NAALADL2: variants seen among roughly 807,000 people sequenced by gnomAD.
NAALADL2 encodes the protein inactive N-acetylated-alpha-linked acidic dipeptidase-like protein 2.
A neutral mutation model predicts 87.2 loss-of-function variants in NAALADL2; 76 were observed. The observed-to-expected ratio is 0.87, with a 90% CI of 0.72 to 1.05. The LOEUF is 1.05. Among genes scored for constraint, NAALADL2 ranks in the 50% least tolerant of loss-of-function variants. The pLI is 0.00. For synonymous variants in NAALADL2, 354 were observed against 331.0 expected, an observed-to-expected ratio of 1.07 and a Z score of -0.75; for missense variants, 1,089 against 945.8, an observed-to-expected ratio of 1.15 and a Z score of -1.99.
intron 4 of NAALADL2, among the ~76,000 whole-genome samples, chr3:175,309,919 T>C (rs1758160432): frequency 6.6e-6 from 1 of 152,192 alleles, no homozygotes; most frequent in Non-Finnish European, 1.5e-5. Context: ...CCAGCATGTC[T>C]CTCTTAATTG....
chr3:175,714,213 T>C (rs989173642), intron 11 of NAALADL2, among the ~76,000 whole-genome samples: 8 of 152,136 alleles, frequency 5.3e-5, no homozygotes, highest in Non-Finnish European at 1.2e-4. Context: ...GTCTTTATAG[T>C]AGAATGATTT....
rs1732672719 is a variant in NAALADL2 at position 174,731,190 on chromosome 3, C to T, written c.-114-6451C>T. On this transcript the variant is annotated intron_variant, in intron 2 of 3. Transcript: ENST00000434257. ...AACAAATGCTTGATTATCAGAGTCCCATACTGAGCTGCAATGCTGCCTCTC... is the reference window on the plus strand; with the variant it reads ...AACAAATGCTTGATTATCAGAGTCCTATACTGAGCTGCAATGCTGCCTCTC... Among the ~76,000 whole-genome samples, 4 of 152,186 alleles carry T rather than the reference C, an allele frequency of 2.6e-5. No homozygotes were observed. In the South Asian group the frequency reaches 8.3e-4, roughly 32 times the overall value.
intron 3 of NAALADL2, among the ~76,000 whole-genome samples, chr3:174,814,913 G>C (rs995343433): frequency 6.6e-6 from 1 of 152,164 alleles, no homozygotes; most frequent in Non-Finnish European, 1.5e-5. Context: ...TTTTTATGCT[G>C]TAGGTAAATG....
intron 3 of NAALADL2, among the ~76,000 whole-genome samples, chr3:174,816,652 C>A (rs893009468): frequency 6.6e-6 from 1 of 151,888 alleles, no homozygotes; most frequent in Admixed American, 6.6e-5. Context: ...CCCCAGGTCA[C>A]TGCCATGGTA....
intron 5 of NAALADL2, among the ~76,000 whole-genome samples, chr3:175,391,930 T>A (rs1441114370): frequency 6.6e-6 from 1 of 152,182 alleles, no homozygotes; most frequent in African/African-American, 2.4e-5. Context: ...GTGTCAAGCA[T>A]TGTTCTAAGT....
intron 4 of NAALADL2, among the ~76,000 whole-genome samples, chr3:175,285,270 A>C (rs1040785940): frequency 6.6e-6 from 1 of 152,196 alleles, no homozygotes; most frequent in Non-Finnish European, 1.5e-5. Context: ...TTTTTTAAAA[A>C]GGTATGGCAC....
chr3:175,320,848 T>C (rs1002577649), intron 4 of NAALADL2, among the ~76,000 whole-genome samples: 7 of 149,264 alleles, frequency 4.7e-5, no homozygotes, highest in Non-Finnish European at 7.4e-5. Context: ...TAATCAATAG[T>C]TTACCAACCA....
intron 1 of NAALADL2, chr3:175,059,618 G>A: frequency 2.8e-6 from 1 of 352,232 alleles, no homozygotes; most frequent in Non-Finnish European, 5.4e-6. Flanking sequence ...ATGGAAAATG[G>A]CAACAAGTGC....
chr3:174,543,274 G>A (rs1439046435), intron 1 of NAALADL2, among the ~76,000 whole-genome samples: 1 of 152,156 alleles, frequency 6.6e-6, no homozygotes, highest in Non-Finnish European at 1.5e-5. Context: ...GGCTAGGGGA[G>A]AGTTGTGGGT....
chr3:174,622,780 C>T (rs530230925), intron 2 of NAALADL2, among the ~76,000 whole-genome samples: 1 of 152,298 alleles, frequency 6.6e-6, no homozygotes, highest in East Asian at 1.9e-4. Context: ...GTGGCTCACG[C>T]CTGTAATCCC....
In NAALADL2 at chr3:174,829,369, G is replaced by A. The variant is rs867058868; in HGVS notation, c.-9+91623G>A. ...CTATGAGTGAGAATATGCGGTGTTT[G>A]TTTTTTTGTTCTTGCGATAGTTTAC... On this transcript the variant is annotated intron_variant, in intron 3 of 3. Transcript: ENST00000434257. Among the ~76,000 whole-genome samples, 6 of 149,588 alleles carry A rather than the reference G, an allele frequency of 4.0e-5. 1 individual carries two copies. In the South Asian group the frequency reaches 1.1e-3, roughly 27 times the overall value.
At chr3:175,610,635 A>G (rs550678155) in intron 10 of NAALADL2, among the ~76,000 whole-genome samples, 3 of 152,120 alleles carry the variant, frequency 2.0e-5, no homozygotes, top group Non-Finnish European at 4.4e-5. Flanking sequence ...CCATAAAGCC[A>G]TCTTACCATC....
intron 12 of NAALADL2, among the ~76,000 whole-genome samples, chr3:175,752,543 A>G (rs1746740865): frequency 2.0e-5 from 3 of 152,146 alleles, no homozygotes; most frequent in South Asian, 4.1e-4. Context: ...CATCATTTAT[A>G]TATCAAAATG....
At chr3:175,564,903 G>A (rs2149524481) in intron 9 of NAALADL2, among the ~76,000 whole-genome samples, 1 of 152,334 alleles carries the variant, frequency 6.6e-6, no homozygotes, top group Non-Finnish European at 1.5e-5. Context: ...TGCAATTTGT[G>A]AAGAAGTAGG....
chr3:175,680,432 C>A (rs995766740), intron 11 of NAALADL2, among the ~76,000 whole-genome samples: 21 of 152,138 alleles, frequency 1.4e-4, no homozygotes, highest in African/African-American at 5.1e-4. Flanking sequence ...GGTATATACA[C>A]ATTGAAAGTC....
intron 2 of NAALADL2, among the ~76,000 whole-genome samples, chr3:175,143,454 C>A (rs1053416733): frequency 6.6e-5 from 10 of 150,912 alleles, no homozygotes; most frequent in African/African-American, 2.4e-4. Flanking sequence ...CTCCTCTATA[C>A]CAACTATCAG....
At chr3:174,649,497 A>AT (rs1724143609) in intron 2 of NAALADL2, among the ~76,000 whole-genome samples, 1 of 151,878 alleles carries the variant, frequency 6.6e-6, no homozygotes, top group African/African-American at 2.4e-5. Flanking sequence ...TTTGCTCTTC[A>AT]TTTTCAATAC....
intron 4 of NAALADL2, among the ~76,000 whole-genome samples, chr3:175,303,186 A>G (rs1026048048): frequency 1.3e-5 from 2 of 152,142 alleles, no homozygotes; most frequent in Non-Finnish European, 2.9e-5. Context: ...CTGATTGATT[A>G]GACAAGTTAC....
At chr3:175,783,732 A>G (rs939732383) in intron 13 of NAALADL2, among the ~76,000 whole-genome samples, 1 of 151,102 alleles carries the variant, frequency 6.6e-6, no homozygotes, top group Non-Finnish European at 1.5e-5. Context: ...AGAACTTCCA[A>G]CACTATGTTG....
Sources: gnomAD v4.1 joint callset for allele counts (sites outside exome capture counted in the v4.1 genomes callset) on GRCh38, gnomAD v4.1.1 for gene constraint, MANE v1.5 for transcripts, NCBI Gene and HGNC (gene_info 2026-07-23, HGNC 2026-07-21) for gene names.